The following RORB variants were observed in gnomAD, a reference collection of about 807,000 sequenced individuals.
RORB encodes the protein nuclear receptor ROR-beta.
A neutral mutation model predicts 59.1 loss-of-function variants in RORB; 6 were observed. The observed-to-expected ratio is 0.10, with a 90% CI of 0.06 to 0.20. The LOEUF (loss-of-function observed/expected upper bound fraction) is 0.20, where lower values mean the gene tolerates loss of function less well. Among genes scored for constraint, RORB ranks in the 10% least tolerant of loss-of-function variants. RORB has a pLI of 1.00. For synonymous variants in RORB, 215 were observed against 204.5 expected (o/e 1.05, Z -0.44); for missense variants, 320 against 560.5 (o/e 0.57, Z 4.33).
At chr9:74,557,816 TC>T (rs1216174123) in intron 1 of RORB, among the ~76,000 whole-genome samples, 1 of 152,088 alleles carries the variant, frequency 6.6e-6, no homozygotes, top group African/African-American at 2.4e-5. Flanking sequence ...TCTGTCTTGT[TC>T]CTTTTTTTTG....
At position 74,633,643 on chromosome 9, in the gene RORB, C is replaced by A. The variant is rs143220120; in HGVS notation, c.94-988C>A. Among the ~76,000 whole-genome samples, 437 of 152,220 alleles carry A rather than the reference C, an allele frequency of 2.9e-3. 3 individuals carry two copies. Among genetic ancestry groups the A allele is most frequent in the South Asian group, 3.9e-3 (19 of 4,826 alleles). ...TATCTCTGGAGAAAATGCTTATTTT[C>A]CCCAATAGAGTTTTCTATAAGACAA... On this transcript the variant is annotated intron_variant, in intron 2 of 9. Transcript: ENST00000376896.
At chr9:74,603,085 G>T (rs1295396063) in intron 1 of RORB, among the ~76,000 whole-genome samples, 2 of 152,148 alleles carry the variant, frequency 1.3e-5, no homozygotes, top group African/African-American at 2.4e-5. Flanking sequence ...GCTCCTAGGG[G>T]AAGGAATGCA....
At chr9:74,597,404 G>C (rs1278963979) in intron 1 of RORB, among the ~76,000 whole-genome samples, 2 of 152,292 alleles carry the variant, frequency 1.3e-5, no homozygotes, top group Non-Finnish European at 2.9e-5. Flanking sequence ...GGGCCTCATG[G>C]GGCAAGTGAG....
chr9:74,624,157 C>G (rs1563956369), intron 1 of RORB, among the ~76,000 whole-genome samples: 1 of 152,052 alleles, frequency 6.6e-6, no homozygotes, highest in Non-Finnish European at 1.5e-5. Flanking sequence ...TTTTCTTAAT[C>G]TAACTTTCGA....
At chr9:74,676,209 A>C (rs1587419544) in intron 9 of RORB, among the ~76,000 whole-genome samples, 1 of 152,280 alleles carries the variant, frequency 6.6e-6, no homozygotes, top group Admixed American at 6.5e-5. Flanking sequence ...GGCCTTCCCC[A>C]GTCTAGCCCC....
At chr9:74,584,319 T>G (rs1452582548) in intron 1 of RORB, among the ~76,000 whole-genome samples, 3 of 152,204 alleles carry the variant, frequency 2.0e-5, no homozygotes, top group Non-Finnish European at 4.4e-5. Flanking sequence ...TGTCTGGAGT[T>G]GTACTCGCTG....
At chr9:74,648,483 C>A (rs963019541) in intron 4 of RORB, among the ~76,000 whole-genome samples, 5 of 152,118 alleles carry the variant, frequency 3.3e-5, no homozygotes, top group Non-Finnish European at 7.3e-5. Context: ...GTTATAGCCA[C>A]GTCACACAGA....
At chr9:74,527,393 AC>A (rs1302466361) in intron 1 of RORB, among the ~76,000 whole-genome samples, 1 of 151,946 alleles carries the variant, frequency 6.6e-6, no homozygotes, top group Non-Finnish European at 1.5e-5. Context: ...AAAACCCCCT[AC>A]CCTAATGAAA....
At chr9:74,566,832 G>A (rs1285076981) in intron 1 of RORB, among the ~76,000 whole-genome samples, 1 of 152,162 alleles carries the variant, frequency 6.6e-6, no homozygotes, top group Admixed American at 6.5e-5. Context: ...AGCAGGGTAA[G>A]ATATAAGGCT....
chr9:74,662,401 G>A, intron 5 of RORB, 73 bp from the exon 6 acceptor site: 2 of 1,501,500 alleles, frequency 1.3e-6, no homozygotes, highest in South Asian at 1.2e-5. Flanking sequence ...CACCAGTAAG[G>A]CAAACCTGAG....
intron 1 of RORB, among the ~76,000 whole-genome samples, chr9:74,616,484 G>C (rs1055964330): frequency 3.3e-5 from 5 of 152,076 alleles, no homozygotes; most frequent in Non-Finnish European, 1.5e-5. Context: ...TACTGTTTCT[G>C]TGCAATTACC....
At chr9:74,544,036 G>T (rs920607901) in intron 1 of RORB, among the ~76,000 whole-genome samples, 1 of 152,146 alleles carries the variant, frequency 6.6e-6, no homozygotes, top group Non-Finnish European at 1.5e-5. Flanking sequence ...TCAGGATATT[G>T]TACCAGTGAC....
chr9:74,563,888 A>G (rs1190776837), intron 1 of RORB, among the ~76,000 whole-genome samples: 2 of 152,218 alleles, frequency 1.3e-5, no homozygotes, highest in Non-Finnish European at 2.9e-5. Context: ...AATGGTGACT[A>G]TAACAAGAAG....
At chr9:74,549,020 A>C (rs1175233152) in intron 1 of RORB, among the ~76,000 whole-genome samples, 2 of 152,198 alleles carry the variant, frequency 1.3e-5, no homozygotes, top group Non-Finnish European at 2.9e-5. Flanking sequence ...TCCTTTATTT[A>C]AATCTTTGAC....
chr9:74,682,210 T>C (rs1382275810), intron 9 of RORB, among the ~76,000 whole-genome samples: 1 of 145,376 alleles, frequency 6.9e-6, no homozygotes, highest in Non-Finnish European at 1.5e-5. Context: ...ACTGTTATAA[T>C]CGTCATCTGA....
intron 4 of RORB, among the ~76,000 whole-genome samples, chr9:74,648,642 G>A (rs1220215353): frequency 6.6e-6 from 1 of 152,184 alleles, no homozygotes; most frequent in Admixed American, 6.5e-5. Flanking sequence ...AAATGACCCA[G>A]CCAAACATGC....
At chr9:74,552,670 T>G (rs983394303) in intron 1 of RORB, among the ~76,000 whole-genome samples, 13 of 152,108 alleles carry the variant, frequency 8.5e-5, no homozygotes, top group Non-Finnish European at 1.8e-4. Flanking sequence ...ATCATTTATT[T>G]ATTCACTCAT....
At chr9:74,590,015 T>C (rs986444998) in intron 1 of RORB, among the ~76,000 whole-genome samples, 2 of 152,222 alleles carry the variant, frequency 1.3e-5, no homozygotes, top group African/African-American at 4.8e-5. Flanking sequence ...AGTTACTTAA[T>C]ATTTACCTGC....
At chr9:74,574,736 C>T (rs548971423) in intron 1 of RORB, among the ~76,000 whole-genome samples, 4 of 152,184 alleles carry the variant, frequency 2.6e-5, no homozygotes, top group Admixed American at 2.6e-4. Flanking sequence ...AAGCCATAAA[C>T]TAGTCATACG....
Sources: allele counts gnomAD v4.1 joint callset (sites outside exome capture counted in the v4.1 genomes callset), GRCh38; gene constraint gnomAD v4.1.1; transcripts MANE v1.5; gene names NCBI Gene and HGNC (gene_info 2026-07-23, HGNC 2026-07-21).